The following NUMB variants were observed in gnomAD, a reference collection of about 807,000 sequenced individuals.
NUMB encodes protein numb homolog.
In NUMB, 29 loss-of-function variants were observed where a neutral mutation model predicts 59.7. That is an observed-to-expected ratio of 0.49 (90% CI 0.36 to 0.66). NUMB has a LOEUF of 0.66. NUMB is among the 30% of genes least tolerant of loss of function. The pLI is 0.00. For synonymous variants in NUMB, 288 were observed against 288.2 expected, an observed-to-expected ratio of 1.00 and a Z score of 0.01; for missense variants, 723 against 822.0, an observed-to-expected ratio of 0.88 and a Z score of 1.47.
chr14:73,396,307 C>A (rs1461304814), intron 2 of NUMB, among the ~76,000 whole-genome samples: 1 of 144,776 alleles, frequency 6.9e-6, no homozygotes, highest in Non-Finnish European at 1.5e-5. Flanking sequence ...TATCTATTTA[C>A]TTTAATTATT....
chr14:73,344,880 A>C lies in NUMB; in HGVS notation c.126+10746T>G, dbSNP rs1892824163. Among the ~76,000 whole-genome samples the C allele has an allele frequency of 2.0e-5, 3 of 152,228 alleles. No individual in the cohort carries two copies. The South Asian group carries it at 6.2e-4, about 32-fold the overall frequency. On this transcript the variant is annotated intron_variant, in intron 4 of 12. Transcript: ENST00000555238. Reference sequence around the variant, plus strand: ...GCTAGGATTCTACCAATTTATTAACAATCAAAAATAATACCAGCATTAAAA... The same window carrying C: ...GCTAGGATTCTACCAATTTATTAACCATCAAAAATAATACCAGCATTAAAA...
chr14:73,308,196 G>A (rs1890572347), intron 6 of NUMB, among the ~76,000 whole-genome samples: 1 of 152,150 alleles, frequency 6.6e-6, no homozygotes, highest in East Asian at 1.9e-4. Context: ...TGGAGATAGT[G>A]AGAATTGATT....
chr14:73,387,171 C>T (rs1895582994), intron 2 of NUMB, among the ~76,000 whole-genome samples: 1 of 151,868 alleles, frequency 6.6e-6, no homozygotes, highest in African/African-American at 2.4e-5. Context: ...CGTGAGCCAC[C>T]GCGCCCGGCC....
intron 2 of NUMB, among the ~76,000 whole-genome samples, chr14:73,380,730 T>TG (rs200476833): frequency 0.01 from 1,556 of 151,092 alleles, 30 homozygotes; most frequent in African/African-American, 0.036. Context: ...ATTAGTTTTT[T>TG]TTTTTTTTTT....
At chr14:73,430,302 A>G (rs1897769063) in intron 1 of NUMB, among the ~76,000 whole-genome samples, 1 of 152,018 alleles carries the variant, frequency 6.6e-6, no homozygotes, top group African/African-American at 2.4e-5. Flanking sequence ...CAACCTGCCA[A>G]ATTGTTTTCC....
intron 2 of NUMB, among the ~76,000 whole-genome samples, chr14:73,391,456 T>G (rs1895849668): frequency 6.6e-6 from 1 of 151,944 alleles, no homozygotes; most frequent in Non-Finnish European, 1.5e-5. Flanking sequence ...CTGTCAGGGG[T>G]TTATTATTTA....
intron 4 of NUMB, among the ~76,000 whole-genome samples, chr14:73,328,827 A>G (rs1257969766): frequency 1.3e-5 from 2 of 152,124 alleles, no homozygotes; most frequent in Non-Finnish European, 2.9e-5. Flanking sequence ...TTTTGTAGAC[A>G]TGTTTTGCAA....
chr14:73,371,583 T>C (rs1008321346), intron 2 of NUMB, among the ~76,000 whole-genome samples: 35 of 152,076 alleles, frequency 2.3e-4, no homozygotes, highest in Admixed American at 2.3e-3. Context: ...AAATATGTTC[T>C]TAGTTATGTG....
chr14:73,299,219 G>C (rs1889962711), intron 6 of NUMB: 1 of 152,128 alleles, frequency 6.6e-6, no homozygotes, highest in Non-Finnish European at 1.5e-5. Flanking sequence ...CGTAATGGGA[G>C]ATAGAGTAGG....
intron 2 of NUMB, among the ~76,000 whole-genome samples, chr14:73,398,018 T>A (rs1566779346): frequency 6.6e-6 from 1 of 152,154 alleles, no homozygotes; most frequent in Non-Finnish European, 1.5e-5. Flanking sequence ...AAACGAAGCA[T>A]TAACAGCTGC....
rs117689338 is a variant in NUMB at position 73,419,010 on chromosome 14, C to T, written c.-232-8942G>A. Among the ~76,000 whole-genome samples the T allele has an allele frequency of 6.8e-3, 1,037 of 152,208 alleles. 5 individuals are homozygous for T. The highest frequency in any genetic ancestry group is 0.03 in the South Asian group (144 of 4,820). On this transcript the variant is annotated intron_variant, in intron 1 of 12. Transcript: ENST00000555238. The stretch of plus-strand genomic sequence containing the variant: ...AATTACAGAAGTTATAATTTGTATC[C>T]ACATTCTAATAATTAAACCCTGAAT...
At chr14:73,443,829 T>C (rs1883268112) in intron 1 of NUMB, among the ~76,000 whole-genome samples, 1 of 151,082 alleles carries the variant, frequency 6.6e-6, no homozygotes, top group South Asian at 2.1e-4. Context: ...TTCTTTTGTA[T>C]TTTAGTAGAG....
chr14:73,367,292 TATATACACAC>T, intron 2 of NUMB, among the ~76,000 whole-genome samples: 1 of 111,450 alleles, frequency 9.0e-6, no homozygotes, highest in East Asian at 2.6e-4. Flanking sequence ...TATATATATA[TATATACACAC>T]ACACACACAC....
At chr14:73,347,528 C>A (rs1892980143) in intron 4 of NUMB, among the ~76,000 whole-genome samples, 1 of 152,170 alleles carries the variant, frequency 6.6e-6, no homozygotes, top group African/African-American at 2.4e-5. Context: ...TATTTTGCAT[C>A]CATTCACTCC....
At chr14:73,277,325 C>CAGTT (rs750082406) in intron 12 of NUMB, 32 bp from the exon 13 acceptor site, 4 of 1,478,844 alleles carry the variant, frequency 2.7e-6, no homozygotes, top group South Asian at 2.5e-5. Flanking sequence ...ACAAAAGAAT[C>CAGTT]AGTTAGGGGC....
chr14:73,378,012 C>CAT (rs1566769201), intron 2 of NUMB, among the ~76,000 whole-genome samples: 2 of 122,268 alleles, frequency 1.6e-5, no homozygotes, highest in Non-Finnish European at 4.2e-5. Context: ...CACACACACA[C>CAT]ACACACATAC....
intron 1 of NUMB, among the ~76,000 whole-genome samples, chr14:73,442,263 A>G (rs1883120782): frequency 6.6e-6 from 1 of 151,614 alleles, no homozygotes; most frequent in Non-Finnish European, 1.5e-5. Context: ...GGTCCTAGCT[A>G]CTCAGAGGCT....
In NUMB at chr14:73,387,770, A is replaced by C. The variant is rs113439972; in HGVS notation, c.-100-20789T>G. The stretch of plus-strand genomic sequence containing the variant: ...ACAAAAACAAACAAACAAAAAAAAA[A>C]CCAAAAAGGCCACTAGTCATATGTA... On this transcript the variant is annotated intron_variant, in intron 2 of 12. Transcript: ENST00000555238. Among the ~76,000 whole-genome samples the C allele has an allele frequency of 9.3e-3, 1,409 of 151,402 alleles. 9 individuals carry two copies. The highest frequency in any genetic ancestry group is 0.03 in the South Asian group (143 of 4,804).
chr14:73,290,479 G>T (rs1889317371), intron 8 of NUMB, among the ~76,000 whole-genome samples: 1 of 152,316 alleles, frequency 6.6e-6, no homozygotes, highest in East Asian at 1.9e-4. Context: ...ACCAGAATCA[G>T]AACTGAAACC....
Sources: gnomAD v4.1 joint callset for allele counts (sites outside exome capture counted in the v4.1 genomes callset) on GRCh38, gnomAD v4.1.1 for gene constraint, MANE v1.5 for transcripts, NCBI Gene and HGNC (gene_info 2026-07-23, HGNC 2026-07-21) for gene names.